Variants in HS3ST2 observed in about 807,000 individuals in gnomAD.
HS3ST2 encodes the protein heparan sulfate-glucosamine 3-sulfotransferase 2, also known as heparan sulfate glucosamine 3-O-sulfotransferase 2.
A neutral mutation model predicts 26.3 loss-of-function variants in HS3ST2; 17 were observed. That is an observed-to-expected ratio of 0.65 (90% CI 0.44 to 0.97). The LOEUF is 0.97. Ranked by LOEUF, HS3ST2 falls within the 50% of genes least tolerant of loss-of-function variation. The pLI is 0.00. For missense variants in HS3ST2, 402 were observed against 501.2 expected (o/e 0.80, Z 1.89); for synonymous variants, 237 against 219.2 (o/e 1.08, Z -0.72).
intron 1 of HS3ST2, among the ~76,000 whole-genome samples, chr16:22,868,008 T>G (rs898224414): frequency 6.6e-6 from 1 of 152,296 alleles, no homozygotes; most frequent in Non-Finnish European, 1.5e-5. Context: ...GATCAAGTTT[T>G]AAAAGGTTAC....
chr16:22,900,394 G>A (rs1197119025), intron 1 of HS3ST2, among the ~76,000 whole-genome samples: 1 of 152,188 alleles, frequency 6.6e-6, no homozygotes, highest in Non-Finnish European at 1.5e-5. Flanking sequence ...GCTGACTCAG[G>A]CTGGAAGCTA....
chr16:22,905,778 T>C (rs1902343600), intron 1 of HS3ST2, among the ~76,000 whole-genome samples: 1 of 152,128 alleles, frequency 6.6e-6, no homozygotes, highest in South Asian at 2.1e-4. Flanking sequence ...ATATATTAGG[T>C]AGTAATGAGT....
intron 1 of HS3ST2, among the ~76,000 whole-genome samples, chr16:22,877,221 A>G (rs1901933386): frequency 6.6e-6 from 1 of 152,166 alleles, no homozygotes; most frequent in Non-Finnish European, 1.5e-5. Context: ...GGTTAGACTC[A>G]CCCACCTGGT....
At chr16:22,841,130 C>T (rs1373928231) in intron 1 of HS3ST2, among the ~76,000 whole-genome samples, 1 of 151,986 alleles carries the variant, frequency 6.6e-6, no homozygotes, top group Non-Finnish European at 1.5e-5. Context: ...GGCGCGATCT[C>T]AGCTCACTGC....
At chr16:22,883,824 A>G (rs960113110) in intron 1 of HS3ST2, among the ~76,000 whole-genome samples, 1 of 152,224 alleles carries the variant, frequency 6.6e-6, no homozygotes, top group African/African-American at 2.4e-5. Flanking sequence ...TAGGCATTCC[A>G]TAGCTACTCA....
At chr16:22,895,648 T>C (rs1596629639) in intron 1 of HS3ST2, among the ~76,000 whole-genome samples, 1 of 152,320 alleles carries the variant, frequency 6.6e-6, no homozygotes, top group South Asian at 2.1e-4. Flanking sequence ...TTCCAACAAT[T>C]TTTAATATTA....
rs185156427 is a variant in HS3ST2 at position 22,823,682 on chromosome 16, G to A, written c.485+8587G>A. 4.9e-3 allele frequency among the ~76,000 whole-genome samples: 743 copies of A among 152,120 alleles called. 5 individuals carry two copies. The highest frequency in any genetic ancestry group is 0.017 in the African/African-American group (693 of 41,476). ...GGCACCTGTAGTCCCAACTACTTGG[G>A]AGGCTGACATGGGAGATTCACTTGA... On this transcript the variant is annotated intron_variant, in intron 1 of 1. Transcript: ENST00000261374.
chr16:22,869,664 T>A (rs1901804541), intron 1 of HS3ST2, among the ~76,000 whole-genome samples: 1 of 152,170 alleles, frequency 6.6e-6, no homozygotes, highest in Non-Finnish European at 1.5e-5. Context: ...ACTCATTTAC[T>A]AACATGAGAA....
At chr16:22,833,037 G>A (rs1416068575) in intron 1 of HS3ST2, among the ~76,000 whole-genome samples, 1 of 152,116 alleles carries the variant, frequency 6.6e-6, no homozygotes, top group African/African-American at 2.4e-5. Flanking sequence ...GTACTATGTA[G>A]AGAACCCATG....
intron 1 of HS3ST2, among the ~76,000 whole-genome samples, chr16:22,863,473 G>A (rs907999207): frequency 2.6e-5 from 4 of 152,134 alleles, no homozygotes; most frequent in African/African-American, 9.7e-5. Flanking sequence ...GCACGTACAG[G>A]TTTGTTACCT....
intron 1 of HS3ST2, among the ~76,000 whole-genome samples, chr16:22,890,894 TCTC>T (rs1382299929): frequency 1.3e-5 from 2 of 152,152 alleles, no homozygotes; most frequent in Non-Finnish European, 2.9e-5. Flanking sequence ...ACCATCCAAT[TCTC>T]CGCATTCAGC....
At chr16:22,909,926 A>T (rs562901046) in intron 1 of HS3ST2, among the ~76,000 whole-genome samples, 2 of 151,152 alleles carry the variant, frequency 1.3e-5, no homozygotes, top group South Asian at 2.1e-4. Context: ...AATCCCAGCT[A>T]CTTGGGAGGC....
At chr16:22,895,172 C>A (rs1207430533) in intron 1 of HS3ST2, among the ~76,000 whole-genome samples, 1 of 151,730 alleles carries the variant, frequency 6.6e-6, no homozygotes, top group Non-Finnish European at 1.5e-5. Flanking sequence ...CCACTGCAAC[C>A]TCCACCTCCT....
intron 1 of HS3ST2, among the ~76,000 whole-genome samples, chr16:22,826,793 C>CTCAG (rs1267135494): frequency 1.3e-5 from 2 of 152,144 alleles, no homozygotes; most frequent in Non-Finnish European, 2.9e-5. Flanking sequence ...ATGCAGGTGA[C>CTCAG]TCAGTCATCA....
chr16:22,905,866 G>T (rs561055479), intron 1 of HS3ST2, among the ~76,000 whole-genome samples: 3 of 152,112 alleles, frequency 2.0e-5, no homozygotes, highest in Non-Finnish European at 4.4e-5. Context: ...AATCATGGGG[G>T]AGCTTGTTTA....
chr16:22,879,349 C>A (rs2141196252), intron 1 of HS3ST2, among the ~76,000 whole-genome samples: 1 of 152,352 alleles, frequency 6.6e-6, no homozygotes, highest in African/African-American at 2.4e-5. Flanking sequence ...GGCAGGACTG[C>A]TGGTATCACG....
chr16:22,839,749 CAT>C (rs1901326127), intron 1 of HS3ST2, among the ~76,000 whole-genome samples: 1 of 152,106 alleles, frequency 6.6e-6, no homozygotes, highest in South Asian at 2.1e-4. Context: ...TCGTTTTGCT[CAT>C]AAATTTCTCC....
intron 1 of HS3ST2, among the ~76,000 whole-genome samples, chr16:22,906,670 C>T (rs1249100084): frequency 6.6e-6 from 1 of 152,196 alleles, no homozygotes; most frequent in Admixed American, 6.5e-5. Context: ...CCCCCTCAGT[C>T]GTGAGCCAGA....
chr16:22,830,705 T>C (rs1225240087), intron 1 of HS3ST2, among the ~76,000 whole-genome samples: 6 of 152,226 alleles, frequency 3.9e-5, no homozygotes, highest in African/African-American at 1.4e-4. Flanking sequence ...TGGGCCAACC[T>C]GTCTACAACC....
Sources: gnomAD v4.1 joint callset for allele counts (sites outside exome capture counted in the v4.1 genomes callset) on GRCh38, gnomAD v4.1.1 for gene constraint, MANE v1.5 for transcripts, NCBI Gene and HGNC (gene_info 2026-07-23, HGNC 2026-07-21) for gene names.